Variants in FAM83B observed in about 807,000 individuals in gnomAD.
The protein encoded by FAM83B is protein FAM83B.
In FAM83B, 26 loss-of-function variants were observed where a neutral mutation model predicts 38.8. The ratio of observed to expected loss-of-function variants is 0.67; its 90% CI spans 0.49 to 0.93. The LOEUF (loss-of-function observed/expected upper bound fraction) is 0.93. Ranked by LOEUF, FAM83B falls within the 40% of genes least tolerant of loss-of-function variation. The probability of loss-of-function intolerance (pLI) is 0.00; values close to 1 mark genes in which losing one functional copy is unlikely to be tolerated. For missense variants in FAM83B, 1,237 were observed against 1,197.3 expected (o/e 1.03, Z -0.49); for synonymous variants, 419 against 423.1 (o/e 0.99, Z 0.12).
intron 3 of FAM83B, 53 bp downstream of exon 3, chr6:54,926,588 C>A: frequency 1.5e-6 from 2 of 1,377,470 alleles, no homozygotes; most frequent in South Asian, 1.6e-5. Context: ...ATTTTCAACT[C>A]AGTCAAATGT....
intron 2 of FAM83B, among the ~76,000 whole-genome samples, chr6:54,912,776 T>C (rs1772941068): frequency 1.3e-5 from 2 of 151,986 alleles, no homozygotes; most frequent in Non-Finnish European, 2.9e-5. Flanking sequence ...AGGTATGCTG[T>C]CTTTCAAGTT....
chr6:54,930,423 G>A (rs1561928860), intron 4 of FAM83B, among the ~76,000 whole-genome samples: 1 of 151,986 alleles, frequency 6.6e-6, no homozygotes, highest in Non-Finnish European at 1.5e-5. Flanking sequence ...TGGGGGCCTG[G>A]TATTTTTCAT....
At chr6:54,867,353 A>G (rs1445527170) in intron 1 of FAM83B, among the ~76,000 whole-genome samples, 1 of 152,042 alleles carries the variant, frequency 6.6e-6, no homozygotes, top group African/African-American at 2.4e-5. Flanking sequence ...GTTCTCTGAT[A>G]AAATTCATTT....
intron 2 of FAM83B, among the ~76,000 whole-genome samples, chr6:54,919,270 A>G (rs774261620): frequency 2.6e-5 from 4 of 152,114 alleles, no homozygotes; most frequent in African/African-American, 7.2e-5. Flanking sequence ...CACAGAGCTG[A>G]TATAAAGATT....
In FAM83B at chr6:54,866,218, C is replaced by T. The variant is rs574031681; in HGVS notation, c.-60-3969C>T. Among the ~76,000 whole-genome samples, 19 of 149,634 alleles carry T rather than the reference C, an allele frequency of 1.3e-4. No homozygotes were observed. The East Asian group carries it at 3.1e-3, about 25-fold the overall frequency. On this transcript the variant is annotated intron_variant, in intron 1 of 4. Coordinates refer to ENST00000306858, the MANE Select transcript of FAM83B (RefSeq NM_001010872.3). Reference sequence around the variant, plus strand: ...TGCTATAGGTTTTTTTTTTTTCTATCTAAGTCTCATGACATTGCTCATCAG... The same window carrying T: ...TGCTATAGGTTTTTTTTTTTTCTATTTAAGTCTCATGACATTGCTCATCAG...
rs539510550 is a variant in FAM83B, at chr6:54,883,207, T to G, written c.444+12517T>G. Among the ~76,000 whole-genome samples, 8 of 152,292 alleles carry G rather than the reference T, an allele frequency of 5.3e-5. No individual in the cohort carries two copies. In the South Asian group the frequency reaches 1.2e-3, roughly 24 times the overall value. Reference sequence around the variant, plus strand: ...ATCCGCCCACCTTGGCCTCCCAAAGTGCTGGGATTACAGGCGTGAGCCACC... The same window carrying G: ...ATCCGCCCACCTTGGCCTCCCAAAGGGCTGGGATTACAGGCGTGAGCCACC... On this transcript the variant is annotated intron_variant, in intron 2 of 4. Coordinates refer to ENST00000306858, the MANE Select transcript of FAM83B (RefSeq NM_001010872.3).
intron 4 of FAM83B, among the ~76,000 whole-genome samples, chr6:54,927,902 C>A (rs1208957663): frequency 6.6e-6 from 1 of 152,058 alleles, no homozygotes; most frequent in African/African-American, 2.4e-5. Flanking sequence ...ATCTAAGGTT[C>A]CCTACAGCTC....
In FAM83B at chr6:54,881,071, T is replaced by C. The variant is rs530919661; in HGVS notation, c.444+10381T>C. ...TTACAATAAAATAATTGGTTTCTTGTACTGAAATGCAATGGCATAACAAAA... is the reference window on the plus strand; with the variant it reads ...TTACAATAAAATAATTGGTTTCTTGCACTGAAATGCAATGGCATAACAAAA... On this transcript the variant is annotated intron_variant, in intron 2 of 4. Coordinates refer to ENST00000306858, the MANE Select transcript of FAM83B (RefSeq NM_001010872.3). Among the ~76,000 whole-genome samples, 3 of 152,304 alleles carry C rather than the reference T, an allele frequency of 2.0e-5. No homozygotes were observed. The East Asian group carries it at 5.8e-4, about 29-fold the overall frequency.
chr6:54,865,382 T>C (rs10456176), intron 1 of FAM83B, among the ~76,000 whole-genome samples: 55,637 of 152,138 alleles, frequency 0.37, 12,586 homozygotes, highest in Non-Finnish European at 0.51. Context: ...ACAAGTCATA[T>C]AGTCATATTG....
intron 1 of FAM83B, among the ~76,000 whole-genome samples, chr6:54,849,676 T>A (rs369275743): frequency 6.6e-6 from 1 of 151,784 alleles, no homozygotes; most frequent in East Asian, 1.9e-4. Flanking sequence ...GGTAGGAAAC[T>A]TTTCCTCTGG....
rs776481266 is a variant in FAM83B, at chr6:54,940,857, A to T, written c.1886A>T (p.Asn629Ile). The T allele has an allele frequency of 6.2e-7, 1 of 1,614,022 alleles. No individual in the cohort carries two copies. Among genetic ancestry groups the T allele is most frequent in the Non-Finnish European group, 8.5e-7 (1 of 1,179,988 alleles). The change falls in exon 5 of 5, where the codon AAT becomes ATT. Residue 629 changes from asparagine to isoleucine, a missense_variant. Physicochemically the swap from Asn to Ile is moderately radical, Grantham distance 149. Transcript: ENST00000306858. ...NHSVALNQTT[N>I]GHTESNNYIY... ...TCAGTAGCCTTAAACCAAACTACAA[A>T]TGGCCATACTGAATCAAATAACTAT...
intron 2 of FAM83B, among the ~76,000 whole-genome samples, chr6:54,920,860 GT>G: frequency 6.6e-6 from 1 of 151,786 alleles, no homozygotes; most frequent in East Asian, 1.9e-4. Flanking sequence ...CCAACACACT[GT>G]TTTGACTAGA....
Position 54,870,329 on chromosome 6 carries a change from A to G in FAM83B, c.83A>G (p.Tyr28Cys). 1 of 1,613,936 alleles carries G rather than the reference A, an allele frequency of 6.2e-7. No individual in the cohort carries two copies. Among genetic ancestry groups the G allele is most frequent in the Non-Finnish European group, 8.5e-7 (1 of 1,179,826 alleles). Residue 28 changes from tyrosine to cysteine, a missense_variant, in exon 2 of 5, where the codon TAT becomes TGT. Physicochemically the swap from Tyr to Cys is radical, Grantham distance 194 (BLOSUM62 -2). Transcript: ENST00000306858. Reference sequence around the variant, plus strand: ...ATTGAGCCTCACTACAAGGAATGGTATCGAGTAGCCATTGATATTCTGATT... The same window carrying G: ...ATTGAGCCTCACTACAAGGAATGGTGTCGAGTAGCCATTGATATTCTGATT... ...NYIEPHYKEWYRVAIDILIEH... is the reference protein window; with the variant it reads ...NYIEPHYKEWCRVAIDILIEH...
chr6:54,942,936 T>A lies in FAM83B; in HGVS notation c.*929T>A, dbSNP rs944299558. On this transcript the variant is annotated 3_prime_UTR_variant, in exon 5 of 5. Transcript: ENST00000306858. ...TTTTTCTTTTGAGATGGAGTCTCGC[T>A]CTGTCACCCAGGCTAGAGTGCAGTG... Among the ~76,000 whole-genome samples, 2 of 151,714 alleles carry A rather than the reference T, an allele frequency of 1.3e-5. No homozygotes were observed. The highest frequency in any genetic ancestry group is 3.2e-3 in the Middle Eastern group (1 of 316).
At chr6:54,896,435 C>A (rs1772536194) in intron 2 of FAM83B, among the ~76,000 whole-genome samples, 1 of 152,078 alleles carries the variant, frequency 6.6e-6, no homozygotes, top group African/African-American at 2.4e-5. Context: ...GCTCATTTAC[C>A]CTTGTTTTAT....
At chr6:54,884,210 G>A (rs1256801409) in intron 2 of FAM83B, among the ~76,000 whole-genome samples, 1 of 150,204 alleles carries the variant, frequency 6.7e-6, no homozygotes, top group Non-Finnish European at 1.5e-5. Context: ...GCTGAGGCAG[G>A]AGACTCGCTT....
chr6:54,892,265 CT>C (rs879260114), intron 2 of FAM83B, among the ~76,000 whole-genome samples: 267 of 145,298 alleles, frequency 1.8e-3, no homozygotes, highest in Middle Eastern at 3.6e-3. Flanking sequence ...GCCTCTGAAT[CT>C]TTTTTTTTTT....
chr6:54,918,462 G>C (rs1773095747), intron 2 of FAM83B, among the ~76,000 whole-genome samples: 1 of 152,100 alleles, frequency 6.6e-6, no homozygotes, highest in Non-Finnish European at 1.5e-5. Context: ...AGTTCTGCAG[G>C]GCTGGCGATG....
intron 4 of FAM83B, 130 bp from the exon 5 acceptor site, chr6:54,939,576 A>G: frequency 1.2e-6 from 1 of 866,440 alleles, no homozygotes; most frequent in Non-Finnish European, 1.7e-6. Flanking sequence ...GTAATGACGG[A>G]AAATATTCTA....
Sources: allele counts gnomAD v4.1 joint callset (sites outside exome capture counted in the v4.1 genomes callset), GRCh38; gene constraint gnomAD v4.1.1; transcripts MANE v1.5; gene names NCBI Gene and HGNC (gene_info 2026-07-23, HGNC 2026-07-21).